STRBP: variants seen among roughly 807,000 people sequenced by gnomAD.
STRBP encodes spermatid perinuclear RNA-binding protein.
A neutral mutation model predicts 80.1 loss-of-function variants in STRBP; 13 were observed. The ratio of observed to expected loss-of-function variants is 0.16; its 90% CI spans 0.11 to 0.26. The LOEUF is 0.26. STRBP is among the 10% of genes least tolerant of loss of function. The probability of loss-of-function intolerance (pLI) is 1.00; values close to 1 mark genes in which losing one functional copy is unlikely to be tolerated. For synonymous variants in STRBP, 284 were observed against 291.2 expected (o/e 0.98, Z 0.25); for missense variants, 485 against 815.2 (o/e 0.59, Z 4.93).
chr9:123,231,990 C>T (rs548118645), intron 2 of STRBP, among the ~76,000 whole-genome samples: 13 of 152,324 alleles, frequency 8.5e-5, no homozygotes, highest in Admixed American at 5.9e-4. Context: ...TTCCTTCCCA[C>T]TGTTGTACTT....
chr9:123,110,326 C>T lies in STRBP; in HGVS notation c.*85-573G>A, dbSNP rs781026719. ...GATGAACCTGGCCCTAGGCCAGCCCCTTCCCCAGCACCCCCTGCCAAAGTA... is the reference window on the plus strand; with the variant it reads ...GATGAACCTGGCCCTAGGCCAGCCCTTTCCCCAGCACCCCCTGCCAAAGTA... On this transcript the variant is annotated intron_variant and NMD_transcript_variant, in intron 3 of 3. Transcript: ENST00000471564. The surrounding 1 kb of genome is among the most constrained non-coding windows in gnomAD (Gnocchi z 4.1). 1.7e-4 allele frequency: 28 copies of T among 161,000 alleles called. No individual in the cohort carries two copies. The highest frequency in any genetic ancestry group is 3.7e-4 in the Non-Finnish European group (25 of 68,184). The allele number at this position is 161,000 out of a possible 1,614,324, so 10.0% of individuals were successfully genotyped here.
At chr9:123,210,942 C>T (rs896147284) in intron 2 of STRBP, among the ~76,000 whole-genome samples, 1 of 152,002 alleles carries the variant, frequency 6.6e-6, no homozygotes, top group African/African-American at 2.4e-5. Context: ...AAAATGTGGA[C>T]CCACAATGGC....
chr9:123,137,081 T>C (rs982118380), intron 14 of STRBP, among the ~76,000 whole-genome samples: 1 of 151,856 alleles, frequency 6.6e-6, no homozygotes, highest in Admixed American at 6.6e-5. Flanking sequence ...GGAGCTAGAG[T>C]GTAGTGGGAG....
chr9:123,247,360 C>T (rs1291020796), intron 1 of STRBP, among the ~76,000 whole-genome samples: 2 of 152,112 alleles, frequency 1.3e-5, no homozygotes, highest in African/African-American at 2.4e-5. Flanking sequence ...CTCCACCTCC[C>T]GCGATCAAAA....
downstream of STRBP, among the ~76,000 whole-genome samples, chr9:123,120,113 C>G (rs1221228566): frequency 1.3e-5 from 2 of 152,194 alleles, no homozygotes; most frequent in South Asian, 2.1e-4. Flanking sequence ...AGTACTAGCT[C>G]TGTGCTCTGT....
intron 16 of STRBP, among the ~76,000 whole-genome samples, chr9:123,134,296 A>G (rs1167602469): frequency 1.3e-5 from 2 of 152,228 alleles, no homozygotes; most frequent in African/African-American, 4.8e-5. Flanking sequence ...ACAGTGTCTA[A>G]GAAGCTGAAA....
At chr9:123,153,706 C>G (rs1288374112) in intron 11 of STRBP, among the ~76,000 whole-genome samples, 1 of 152,102 alleles carries the variant, frequency 6.6e-6, no homozygotes, top group Non-Finnish European at 1.5e-5. Flanking sequence ...GCTGGACATC[C>G]ATGTAGCGAT....
rs933882262 is a variant in STRBP at position 123,173,985 on chromosome 9, T to C, written c.225-143A>G. 3 of 892,546 alleles carry C rather than the reference T, an allele frequency of 3.4e-6. No individual in the cohort carries two copies. In the East Asian group the frequency reaches 8.3e-5, roughly 25 times the overall value. The allele number at this position is 892,546 out of a possible 1,614,324, so 55.3% of individuals were successfully genotyped here. ...ATCCAAGTATCCACAAAATTAAGCC[T>C]CAGATTTGAGGCTTATAAAGTATCT... On this transcript the variant is annotated intron_variant, in intron 4 of 18. Coordinates refer to ENST00000348403, the MANE Select transcript of STRBP (RefSeq NM_018387.5).
intron 2 of STRBP, among the ~76,000 whole-genome samples, chr9:123,186,080 G>A (rs1434777325): frequency 1.3e-5 from 2 of 150,222 alleles, no homozygotes; most frequent in Non-Finnish European, 1.5e-5. Context: ...GGTGGCTCGC[G>A]CCTGTAATCC....
At chr9:123,238,489 T>C (rs2040618628) in intron 1 of STRBP, among the ~76,000 whole-genome samples, 1 of 152,212 alleles carries the variant, frequency 6.6e-6, no homozygotes, top group African/African-American at 2.4e-5. Context: ...GACAGCTGCA[T>C]AAAAGCAGCA....
chr9:123,119,327 A>G (rs567739336), downstream of STRBP, among the ~76,000 whole-genome samples: 1 of 152,110 alleles, frequency 6.6e-6, no homozygotes, highest in Non-Finnish European at 1.5e-5. Context: ...ACTTGGACTC[A>G]GCAGGTAGAT....
Position 123,143,233 on chromosome 9 carries a change from A to C in STRBP, c.1339-3546T>G, listed in dbSNP as rs560348427. On this transcript the variant is annotated intron_variant, in intron 13 of 18. Transcript: ENST00000348403. The stretch of plus-strand genomic sequence containing the variant: ...TCTAGCTGATCTTTTCCTCACAATG[A>C]CTAAGATTCTTTTCATGTAATATGG... 5.3e-5 allele frequency among the ~76,000 whole-genome samples: 8 copies of C among 152,274 alleles called. No homozygotes were observed. The East Asian group carries it at 1.5e-3, about 29-fold the overall frequency.
intron 2 of STRBP, among the ~76,000 whole-genome samples, chr9:123,189,942 T>C (rs185576700): frequency 3.2e-4 from 49 of 152,300 alleles, no homozygotes; most frequent in African/African-American, 1.0e-3. Context: ...AATTTGTATG[T>C]ATATGCTTGG....
In STRBP at chr9:123,158,395, G is replaced by A. The variant is rs772803431; in HGVS notation, c.870C>T (p.Asp290=). Residue 290 remains aspartate (D), a synonymous_variant, in exon 10 of 19, where the codon GAC becomes GAT. Coordinates refer to ENST00000348403, the MANE Select transcript of STRBP (RefSeq NM_018387.5). The part of the protein sequence containing the change: ...GPGLHDPCER[D]PTDALSYMTI... ...TCATATAGCTCAGAGCATCTGTTGG[G>A]TCTCGCTCACAAGGATCATGAAGAC... 2 of 1,613,352 alleles carry A rather than the reference G, an allele frequency of 1.2e-6. No individual in the cohort carries two copies. Among genetic ancestry groups the A allele is most frequent in the East Asian group, 2.2e-5 (1 of 44,870 alleles).
chr9:123,121,019 TTAA>T (rs2035724355), downstream of STRBP, among the ~76,000 whole-genome samples: 1 of 152,238 alleles, frequency 6.6e-6, no homozygotes, highest in East Asian at 1.9e-4. Context: ...ACTGTCAGAA[TTAA>T]AATGCTTCCA....
chr9:123,165,440 AGGGCG>A (rs2037713814), intron 6 of STRBP, among the ~76,000 whole-genome samples: 1 of 152,128 alleles, frequency 6.6e-6, no homozygotes, highest in Non-Finnish European at 1.5e-5. Flanking sequence ...TCTGCCAAGA[AGGGCG>A]AGTTCACACT....
At chr9:123,256,180 C>T (rs2041025804) in intron 1 of STRBP, among the ~76,000 whole-genome samples, 1 of 151,902 alleles carries the variant, frequency 6.6e-6, no homozygotes, top group Non-Finnish European at 1.5e-5. Context: ...AGCACCACCA[C>T]ACCCAGCTAC....
chr9:123,242,659 CAAAT>C (rs143636903), intron 1 of STRBP, among the ~76,000 whole-genome samples: 4,812 of 152,154 alleles, frequency 0.032, 249 homozygotes, highest in African/African-American at 0.11. Context: ...GACCCTGTCT[CAAAT>C]AAATAAATAA....
intron 13 of STRBP, among the ~76,000 whole-genome samples, chr9:123,145,932 A>G (rs1441585002): frequency 6.6e-6 from 1 of 152,024 alleles, no homozygotes; most frequent in Non-Finnish European, 1.5e-5. Context: ...TCTGATGTTT[A>G]CACACTTTGT....
Sources: allele counts gnomAD v4.1 joint callset (sites outside exome capture counted in the v4.1 genomes callset), GRCh38; gene constraint gnomAD v4.1.1; non-coding constraint Gnocchi (gnomAD v3.1); transcripts MANE v1.5; gene names NCBI Gene and HGNC (gene_info 2026-07-23, HGNC 2026-07-21).